DMXL1: variants seen among roughly 807,000 people sequenced by gnomAD.
The protein encoded by DMXL1 is Dmx like 1.
DMXL1 carries 99 observed loss-of-function variants against 319.2 expected under a neutral mutation model. That is an observed-to-expected ratio of 0.31 (90% CI 0.26 to 0.37). The LOEUF (loss-of-function observed/expected upper bound fraction) is 0.37, where lower values mean the gene tolerates loss of function less well. Among genes scored for constraint, DMXL1 ranks in the 10% least tolerant of loss-of-function variants. The probability of loss-of-function intolerance (pLI) is 1.00; values close to 1 mark genes in which losing one functional copy is unlikely to be tolerated. For synonymous variants in DMXL1, 1,385 were observed against 1,235.2 expected, an observed-to-expected ratio of 1.12 and a Z score of -2.54; for missense variants, 3,745 against 3,595.6, an observed-to-expected ratio of 1.04 and a Z score of -1.06.
intron 1 of DMXL1, among the ~76,000 whole-genome samples, chr5:119,077,479 G>GTT (rs774672621): frequency 0.028 from 1,940 of 70,214 alleles, 336 homozygotes; most frequent in East Asian, 0.058. Flanking sequence ...TTCATCTTAG[G>GTT]TTTTTTTTTT....
Position 119,149,648 on chromosome 5 carries a change from G to T in DMXL1, c.3821G>T (p.Gly1274Val), listed in dbSNP as rs1712213785. Residue 1274 changes from glycine to valine, a missense_variant, in exon 18 of 44, where the codon GGG becomes GTG. Physicochemically the swap from Gly to Val is moderately radical, Grantham distance 109. Transcript: ENST00000539542. Reference protein sequence around the residue: ...SLIKQSNSSSGLHPPKKTLTR... With the variant: ...SLIKQSNSSSVLHPPKKTLTR... ...ATAAAACAGAGTAACTCCAGTTCTG[G>T]GTTACATCCTCCAAAGAAAACTCTG... 2 of 1,613,718 alleles carry T rather than the reference G, an allele frequency of 1.2e-6. No individual in the cohort carries two copies. The highest frequency in any genetic ancestry group is 1.7e-5 in the Admixed American group (1 of 59,922).
chr5:119,238,554 A>T (rs1488191087), intron 40 of DMXL1, among the ~76,000 whole-genome samples: 2 of 152,170 alleles, frequency 1.3e-5, no homozygotes, highest in Non-Finnish European at 2.9e-5. Flanking sequence ...GTCTGGTATC[A>T]TCTAAAATTC....
At position 119,171,983 on chromosome 5, in the gene DMXL1, G is replaced by A; in HGVS notation, c.6681+14G>A. 3 of 1,593,748 alleles carry A rather than the reference G, an allele frequency of 1.9e-6. No homozygotes were observed. Among genetic ancestry groups the A allele is most frequent in the South Asian group, 1.1e-5 (1 of 87,522 alleles). The stretch of plus-strand genomic sequence containing the variant: ...CAAAGCAATAAAGTAAGTATGCTTG[G>A]TTTCAAGCTTTTACTTCATCTGTAC... On this transcript the variant is annotated intron_variant, in intron 25 of 43. Transcript: ENST00000539542.
intron 13 of DMXL1, 123 bp from the exon 14 acceptor site, chr5:119,143,718 G>C (rs1767913005): frequency 1.9e-6 from 1 of 516,062 alleles, no homozygotes; most frequent in African/African-American, 2.0e-5. Context: ...ATAGTTGAAA[G>C]GGACTATATT....
At chr5:119,135,443 C>G (rs571254647) in intron 13 of DMXL1, among the ~76,000 whole-genome samples, 1 of 152,016 alleles carries the variant, frequency 6.6e-6, no homozygotes, top group Non-Finnish European at 1.5e-5. Context: ...GAACTAGATA[C>G]GTAGATATTT....
intron 10 of DMXL1, among the ~76,000 whole-genome samples, chr5:119,132,186 A>T (rs985896648): frequency 6.6e-6 from 1 of 152,112 alleles, no homozygotes; most frequent in East Asian, 1.9e-4. Flanking sequence ...TAAATAAGAA[A>T]AGGCTCTACA....
intron 13 of DMXL1, among the ~76,000 whole-genome samples, chr5:119,135,978 G>C (rs751588107): frequency 6.6e-6 from 1 of 152,224 alleles, no homozygotes; most frequent in African/African-American, 2.4e-5. Flanking sequence ...GAATAGTTTG[G>C]AGGGCTCAGA....
intron 5 of DMXL1, 58 bp from the exon 6 acceptor site, chr5:119,114,417 T>C (rs927279692): frequency 8.1e-7 from 1 of 1,231,860 alleles, no homozygotes; most frequent in African/African-American, 1.5e-5. Context: ...TTTGAGAATA[T>C]TGAACTTTTT....
intron 28 of DMXL1, among the ~76,000 whole-genome samples, chr5:119,185,792 T>C (rs1777608591): frequency 6.6e-6 from 1 of 152,134 alleles, no homozygotes; most frequent in Admixed American, 6.5e-5. Context: ...CATGATCCAC[T>C]GTGCCTGGCC....
intron 19 of DMXL1, among the ~76,000 whole-genome samples, chr5:119,163,173 A>G (rs781096795): frequency 6.6e-6 from 1 of 152,160 alleles, no homozygotes; most frequent in Non-Finnish European, 1.5e-5. Flanking sequence ...TCTATTCTAA[A>G]TTTTATAACT....
chr5:119,216,470 G>GA (rs779316650), intron 34 of DMXL1, among the ~76,000 whole-genome samples: 18 of 152,152 alleles, frequency 1.2e-4, no homozygotes, highest in Non-Finnish European at 2.5e-4. Context: ...AAAGGGTTTG[G>GA]AAAAAATGCA....
chr5:119,177,397 A>G lies in DMXL1; in HGVS notation c.6799A>G (p.Thr2267Ala), dbSNP rs1186062898. The G allele has an allele frequency of 2.5e-6, 4 of 1,602,896 alleles. No homozygotes were observed. Among genetic ancestry groups the G allele is most frequent in the Non-Finnish European group, 3.4e-6 (4 of 1,173,626 alleles). Residue 2267 changes from threonine to alanine, a missense_variant, in exon 27 of 44, where the codon ACA (threonine) becomes GCA (alanine). Coordinates refer to ENST00000539542, the MANE Select transcript of DMXL1 (RefSeq NM_001290321.3). ...TNQFTGMVYQ[T>A]VLLPHRPSLK... The stretch of plus-strand genomic sequence containing the variant: ...TCAGTTTACTGGAATGGTATATCAG[A>G]CAGTACTGCTTCCTCATCGACCTTC...
intron 1 of DMXL1, chr5:119,081,773 T>C (rs1004660114): frequency 3.1e-6 from 3 of 962,416 alleles, no homozygotes; most frequent in Non-Finnish European, 2.5e-6. Flanking sequence ...TGTTCTTACG[T>C]GTATTTGAAG....
chr5:119,222,165 C>G (rs1421558848), intron 37 of DMXL1, among the ~76,000 whole-genome samples: 1 of 152,056 alleles, frequency 6.6e-6, no homozygotes, highest in Non-Finnish European at 1.5e-5. Flanking sequence ...TTGCTATAAC[C>G]TTATAATTTG....
intron 38 of DMXL1, among the ~76,000 whole-genome samples, chr5:119,230,971 A>C (rs541988678): frequency 5.1e-4 from 78 of 152,312 alleles, no homozygotes; most frequent in African/African-American, 1.8e-3. Flanking sequence ...GATTGCTAAA[A>C]CTTTACTATT....
intron 13 of DMXL1, among the ~76,000 whole-genome samples, chr5:119,141,278 A>G (rs1303597809): frequency 6.6e-6 from 1 of 152,010 alleles, no homozygotes; most frequent in African/African-American, 2.4e-5. Context: ...GAGGAATAAA[A>G]GGCATCTAAA....
chr5:119,124,070 A>C (rs1762924566), intron 9 of DMXL1, among the ~76,000 whole-genome samples: 2 of 151,732 alleles, frequency 1.3e-5, no homozygotes, highest in South Asian at 4.2e-4. Context: ...ACACTTTGGG[A>C]GGCTGAGGCA....
rs563223389 is a variant in DMXL1, at chr5:119,165,113, T to C, written c.4873-70T>C. 15 of 923,812 alleles carry C rather than the reference T, an allele frequency of 1.6e-5. No individual in the cohort carries two copies. The South Asian group carries it at 2.2e-4, about 14-fold the overall frequency. 57.2% of individuals were successfully genotyped at this position (923,812 alleles called of 1,614,324 possible). Reference sequence around the variant, plus strand: ...AACATTCAATGGATATGTGCCAGCCTTTCATATGAAAGAAATTACTTGTTC... The same window carrying C: ...AACATTCAATGGATATGTGCCAGCCCTTCATATGAAAGAAATTACTTGTTC... On this transcript the variant is annotated intron_variant, in intron 20 of 43. Coordinates refer to ENST00000539542, the MANE Select transcript of DMXL1 (RefSeq NM_001290321.3).
chr5:119,162,660 G>GGAT (rs1210084345), intron 19 of DMXL1, among the ~76,000 whole-genome samples: 4 of 152,114 alleles, frequency 2.6e-5, no homozygotes, highest in African/African-American at 9.7e-5. Context: ...AAATCTGAAG[G>GGAT]GATATAAATA....
Sources: allele counts gnomAD v4.1 joint callset (sites outside exome capture counted in the v4.1 genomes callset), GRCh38; gene constraint gnomAD v4.1.1; transcripts MANE v1.5; gene names NCBI Gene and HGNC (gene_info 2026-07-23, HGNC 2026-07-21).